IQCB1: variants seen among roughly 807,000 people sequenced by gnomAD.
IQCB1 encodes the protein IQ calmodulin-binding motif-containing protein 1.
A neutral mutation model predicts 84.4 loss-of-function variants in IQCB1; 56 were observed. The observed-to-expected ratio is 0.66, with a 90% CI of 0.54 to 0.83. The LOEUF is 0.83. Ranked by LOEUF, IQCB1 falls within the 40% of genes least tolerant of loss-of-function variation. The probability of loss-of-function intolerance (pLI) is 0.00; values close to 1 mark genes in which losing one functional copy is unlikely to be tolerated. For missense variants in IQCB1, 629 were observed against 682.1 expected (o/e 0.92, Z 0.87); for synonymous variants, 210 against 234.8 (o/e 0.89, Z 0.96).
At position 121,797,107 on chromosome 3, in the gene IQCB1, T is replaced by G; in HGVS notation, c.876+11A>C. ...AATATCATGCAATTTTTTTTTTTTGTAACTTAATACCTGCTCTTCTACTTC... is the reference window on the plus strand; with the variant it reads ...AATATCATGCAATTTTTTTTTTTTGGAACTTAATACCTGCTCTTCTACTTC... On this transcript the variant is annotated intron_variant, in intron 9 of 14. Coordinates refer to ENST00000310864, the MANE Select transcript of IQCB1 (RefSeq NM_001023570.4). 7.1e-7 allele frequency: 1 copy of G among 1,416,852 alleles called. No homozygotes were observed. The highest frequency in any genetic ancestry group is 1.0e-6 in the Non-Finnish European group (1 of 1,002,574). The allele number at this position is 1,416,852 out of a possible 1,614,324, so 87.8% of individuals were successfully genotyped here. A position where few individuals can be genotyped will look rare whatever the true frequency, so the allele number is the denominator to read the frequency against.
intron 13 of IQCB1, among the ~76,000 whole-genome samples, chr3:121,780,350 T>C (rs1948420523): frequency 6.6e-6 from 1 of 152,206 alleles, no homozygotes; most frequent in South Asian, 2.1e-4. Flanking sequence ...TCATGCATTT[T>C]ATCTGCTTGT....
At chr3:121,798,478 T>C (rs989166936) in intron 8 of IQCB1, among the ~76,000 whole-genome samples, 2 of 151,894 alleles carry the variant, frequency 1.3e-5, no homozygotes, top group Admixed American at 1.3e-4. Context: ...ATAACTTTGC[T>C]TGGCAATTAA....
chr3:121,800,415 GAA>G (rs1295979609), intron 7 of IQCB1, among the ~76,000 whole-genome samples: 1 of 151,868 alleles, frequency 6.6e-6, no homozygotes, highest in Non-Finnish European at 1.5e-5. Flanking sequence ...TTTGTTAAGA[GAA>G]AAGAGATCAG....
intron 7 of IQCB1, among the ~76,000 whole-genome samples, chr3:121,805,124 A>G (rs1949556919): frequency 6.6e-6 from 1 of 152,196 alleles, no homozygotes. Context: ...TAATTCCAAC[A>G]TATGTACCAG....
At chr3:121,772,336 C>G (rs1265034526) in intron 14 of IQCB1, among the ~76,000 whole-genome samples, 1 of 152,110 alleles carries the variant, frequency 6.6e-6, no homozygotes, top group African/African-American at 2.4e-5. Context: ...TGGGGTGACA[C>G]ATATGAATGA....
At chr3:121,801,460 C>G (rs186543007) in intron 7 of IQCB1, among the ~76,000 whole-genome samples, 66 of 152,194 alleles carry the variant, frequency 4.3e-4, no homozygotes, top group Non-Finnish European at 7.9e-4. Flanking sequence ...CCACATACCA[C>G]AGTCTAATCA....
intron 5 of IQCB1, among the ~76,000 whole-genome samples, chr3:121,814,468 T>C (rs1165679507): frequency 6.6e-6 from 1 of 152,060 alleles, no homozygotes; most frequent in East Asian, 1.9e-4. Flanking sequence ...AAAAAATCAA[T>C]GAATCCAGGA....
intron 4 of IQCB1, among the ~76,000 whole-genome samples, chr3:121,827,512 C>T (rs576452942): frequency 2.0e-5 from 3 of 151,998 alleles, no homozygotes; most frequent in South Asian, 2.1e-4. Flanking sequence ...GAATTCCACC[C>T]GAGAGCCTGG....
chr3:121,795,623 A>G, intron 9 of IQCB1, 57 bp from the exon 10 acceptor site: 5 of 993,360 alleles, frequency 5.0e-6, no homozygotes, highest in Non-Finnish European at 6.4e-6. Flanking sequence ...AAAAAAAAAA[A>G]AAGTTTACCT....
intron 4 of IQCB1, among the ~76,000 whole-genome samples, chr3:121,826,679 A>C (rs1378799585): frequency 6.6e-6 from 1 of 152,182 alleles, no homozygotes; most frequent in Non-Finnish European, 1.5e-5. Context: ...ACTCATTTGC[A>C]TATTCCTTAT....
intron 9 of IQCB1, among the ~76,000 whole-genome samples, chr3:121,795,859 C>G (rs1949171750): frequency 1.3e-5 from 2 of 152,072 alleles, no homozygotes; most frequent in African/African-American, 4.8e-5. Context: ...CTTTTTTGAG[C>G]TAACATGTTA....
At chr3:121,825,125 A>C (rs1950419919) in intron 5 of IQCB1, among the ~76,000 whole-genome samples, 1 of 143,054 alleles carries the variant, frequency 7.0e-6, no homozygotes, top group Non-Finnish European at 1.5e-5. Flanking sequence ...CAATGGCACT[A>C]TCTTGGCTCA....
chr3:121,809,804 T>G (rs1006786223), intron 5 of IQCB1, among the ~76,000 whole-genome samples: 2 of 152,004 alleles, frequency 1.3e-5, no homozygotes, highest in Admixed American at 6.6e-5. Context: ...GTCCTGAATG[T>G]TTGTACTATA....
rs2108591578 is a variant in IQCB1, at chr3:121,807,439, T to C, written c.492A>G (p.Leu164=). ...GTAAATGTAAGAAATGATCACTTTG[T>C]AGTACTAAAGGAAAAGAAAAAAAAA... ...GGHVELIQNV[L]QSDHFLHLLQ... is the part of the protein sequence containing the mutation. The change falls in exon 7 of 15, where the codon CTA becomes CTG. Residue 164 remains leucine, a synonymous_variant. Transcript: ENST00000310864. 3.5e-6 allele frequency: 5 copies of C among 1,438,176 alleles called. No individual in the cohort carries two copies. Among genetic ancestry groups the C allele is most frequent in the Non-Finnish European group, 4.9e-6 (5 of 1,020,990 alleles). 89.1% of individuals were successfully genotyped at this position (1,438,176 alleles called of 1,614,324 possible).
intron 10 of IQCB1, among the ~76,000 whole-genome samples, chr3:121,791,213 T>A (rs977539742): frequency 2.6e-5 from 4 of 152,216 alleles, no homozygotes; most frequent in Non-Finnish European, 5.9e-5. Flanking sequence ...ATCTTTTTTT[T>A]AAACTGTATT....
At chr3:121,783,415 T>C (rs1054763229) in intron 12 of IQCB1, among the ~76,000 whole-genome samples, 7 of 152,262 alleles carry the variant, frequency 4.6e-5, no homozygotes, top group Non-Finnish European at 1.0e-4. Context: ...ATCATAATTT[T>C]AGTTAAATTA....
At chr3:121,784,910 G>A (rs922881970) in intron 12 of IQCB1, among the ~76,000 whole-genome samples, 3 of 152,150 alleles carry the variant, frequency 2.0e-5, no homozygotes, top group Non-Finnish European at 4.4e-5. Context: ...CTGAGCTCAA[G>A]TGATCCTCCC....
At chr3:121,833,150 G>C (rs1950707687) in intron 2 of IQCB1, among the ~76,000 whole-genome samples, 1 of 152,124 alleles carries the variant, frequency 6.6e-6, no homozygotes, top group Non-Finnish European at 1.5e-5. Context: ...AAAGCAATTG[G>C]AACAATTCCT....
intron 5 of IQCB1, among the ~76,000 whole-genome samples, chr3:121,825,632 A>G (rs1333338622): frequency 6.6e-6 from 1 of 152,186 alleles, no homozygotes; most frequent in East Asian, 1.9e-4. Context: ...AAAGACCCCT[A>G]TGTTTGGGTT....
Sources: allele counts gnomAD v4.1 joint callset (sites outside exome capture counted in the v4.1 genomes callset), GRCh38; gene constraint gnomAD v4.1.1; transcripts MANE v1.5; gene names NCBI Gene and HGNC (gene_info 2026-07-23, HGNC 2026-07-21).